Variants in SEPTIN12 observed in about 807,000 individuals in gnomAD.
SEPTIN12 encodes septin 12.
SEPTIN12 carries 42 observed loss-of-function variants against 37.7 expected under a neutral mutation model. The ratio of observed to expected loss-of-function variants is 1.11; its 90% CI spans 0.87 to 1.44. SEPTIN12 has a LOEUF of 1.44. Ranked by LOEUF, SEPTIN12 falls within the 40% of genes most tolerant of loss-of-function variation. The probability of loss-of-function intolerance (pLI) is 0.00; values close to 1 mark genes in which losing one functional copy is unlikely to be tolerated. For synonymous variants in SEPTIN12, 254 were observed against 196.7 expected, an observed-to-expected ratio of 1.29 and a Z score of -2.44; for missense variants, 613 against 479.2, an observed-to-expected ratio of 1.28 and a Z score of -2.61.
At chr16:4,789,727 G>A (rs1002030212), upstream of SEPTIN12, among the ~76,000 whole-genome samples, 2 of 151,970 alleles carry the variant, frequency 1.3e-5, no homozygotes, top group Non-Finnish European at 2.9e-5. Flanking sequence ...CCTAAATGCT[G>A]AGATTACAGA....
chr16:4,778,169 C>A (rs773187500), intron 8 of SEPTIN12, 32 bp from the exon 9 acceptor site: 2 of 1,612,762 alleles, frequency 1.2e-6, no homozygotes, highest in Non-Finnish European at 1.7e-6. Flanking sequence ...ATGGGCGCTG[C>A]TTAGTGAGCA....
At chr16:4,778,496 A>C (rs1170123561) in intron 8 of SEPTIN12, among the ~76,000 whole-genome samples, 6 of 152,214 alleles carry the variant, frequency 3.9e-5, no homozygotes, top group Non-Finnish European at 8.8e-5. Context: ...GCTATATCAT[A>C]GGCAATAGTA....
chr16:4,777,979 T>C lies in SEPTIN12; in HGVS notation c.895A>G (p.Lys299Glu), dbSNP rs772735825. The C allele has an allele frequency of 6.2e-7, 1 of 1,611,982 alleles. No homozygotes were observed. The highest frequency in any genetic ancestry group is 1.7e-5 in the Admixed American group (1 of 59,532). Reference sequence around the variant, plus strand: ...TAGTGGATGTTGTGGGTTATGTCCTTCAGGTCTTGGAGGTGGGAGCTGGGG... The same window carrying C: ...TAGTGGATGTTGTGGGTTATGTCCTCCAGGTCTTGGAGGTGGGAGCTGGGG... ...LLIRSHLQDL[K>E]DITHNIHYEN... The change falls in exon 10 of 10, where the codon AAG (lysine) becomes GAG (glutamate). Residue 299 changes from lysine (K) to glutamate (E), a missense_variant. Coordinates refer to ENST00000268231, the MANE Select transcript of SEPTIN12 (RefSeq NM_144605.5).
At chr16:4,778,887 C>T (rs948312137) in intron 8 of SEPTIN12, among the ~76,000 whole-genome samples, 3 of 151,914 alleles carry the variant, frequency 2.0e-5, no homozygotes, top group Non-Finnish European at 4.4e-5. Context: ...CGCCTGTAAT[C>T]CCAGCACTTT....
intron 7 of SEPTIN12, among the ~76,000 whole-genome samples, chr16:4,781,338 T>C (rs1307749383): frequency 6.6e-6 from 1 of 151,848 alleles, no homozygotes; most frequent in African/African-American, 2.4e-5. Context: ...GTACGGGGGT[T>C]TTTAGTATTT....
intron 7 of SEPTIN12, chr16:4,783,188 C>T (rs948143366): frequency 3.9e-5 from 17 of 431,850 alleles, no homozygotes; most frequent in African/African-American, 2.4e-4. Context: ...GGATTACAGG[C>T]GTGAGCCACT....
In SEPTIN12 at chr16:4,779,744, G is replaced by T. The variant is rs1047456299; in HGVS notation, c.769C>A (p.Leu257Met). The T allele has an allele frequency of 6.2e-7, 1 of 1,613,840 alleles. No homozygotes were observed. Among genetic ancestry groups the T allele is most frequent in the Non-Finnish European group, 8.5e-7 (1 of 1,179,752 alleles). ...CCCAGGACACACCTCCCGTTCACCA[G>T]GTGCTCTTGGTCAGCCCCTACCACG... ...FAVVGADQEH[L>M]VNGRCVLGRK... The change falls in exon 8 of 10, where the codon CTG becomes ATG. Residue 257 changes from leucine (L) to methionine (M), a missense_variant. Physicochemically the swap from Leu to Met is conservative, Grantham distance 15. Transcript: ENST00000268231.
At chr16:4,784,315 G>A (rs1044609562) in intron 4 of SEPTIN12, 1 of 523,256 alleles carries the variant, frequency 1.9e-6, no homozygotes, top group Non-Finnish European at 3.5e-6. Context: ...TACGTTGCAA[G>A]TAAGGGAGGG....
At chr16:4,789,749 A>G (rs1475078640), upstream of SEPTIN12, among the ~76,000 whole-genome samples, 2 of 152,022 alleles carry the variant, frequency 1.3e-5, no homozygotes, top group Non-Finnish European at 2.9e-5. Context: ...GTGAACCACC[A>G]TGCCCAGCCT....
intron 4 of SEPTIN12, among the ~76,000 whole-genome samples, chr16:4,785,053 C>T (rs990435476): frequency 7.9e-5 from 12 of 152,026 alleles, no homozygotes; most frequent in Admixed American, 1.3e-4. Context: ...TTGAGACCAG[C>T]CTGGCCAACG....
At chr16:4,786,480 A>C (rs1567571553) in intron 2 of SEPTIN12, among the ~76,000 whole-genome samples, 1 of 150,272 alleles carries the variant, frequency 6.7e-6, no homozygotes, top group Non-Finnish European at 1.5e-5. Context: ...TCAGCCTCCC[A>C]AGTAGCTGGG....
intron 7 of SEPTIN12, among the ~76,000 whole-genome samples, 161 bp from the exon 8 acceptor site, chr16:4,779,947 A>C (rs1216975913): frequency 6.6e-6 from 1 of 152,062 alleles, no homozygotes; most frequent in African/African-American, 2.4e-5. Context: ...ATAAAGTCTA[A>C]TTGGTGCCTC....
intron 7 of SEPTIN12, among the ~76,000 whole-genome samples, chr16:4,782,204 C>G (rs2082379980): frequency 6.6e-6 from 1 of 152,112 alleles, no homozygotes; most frequent in South Asian, 2.1e-4. Flanking sequence ...CCCACCTCAG[C>G]TTCCCAAAGT....
At chr16:4,782,137 A>G (rs1200502491) in intron 7 of SEPTIN12, among the ~76,000 whole-genome samples, 2 of 150,804 alleles carry the variant, frequency 1.3e-5, no homozygotes, top group African/African-American at 4.9e-5. Context: ...TTTAGTAGAG[A>G]CAGAGTTTCA....
chr16:4,790,462 G>A (rs2082534803), upstream of SEPTIN12, among the ~76,000 whole-genome samples: 1 of 152,114 alleles, frequency 6.6e-6, no homozygotes, highest in Non-Finnish European at 1.5e-5. Context: ...GGGAACTCCC[G>A]CTCCTTCCTG....
intron 4 of SEPTIN12, among the ~76,000 whole-genome samples, chr16:4,785,448 G>C (rs1369962731): frequency 1.3e-5 from 2 of 151,896 alleles, no homozygotes; most frequent in Non-Finnish European, 2.9e-5. Flanking sequence ...GGACAGGAGG[G>C]GACAGCCATG....
intron 4 of SEPTIN12, 96 bp downstream of exon 4, chr16:4,785,711 G>A: frequency 1.2e-6 from 1 of 849,296 alleles, no homozygotes. Context: ...CTGGGAGGTG[G>A]AGGTTGCAGT....
rs1037755414 is a variant in SEPTIN12 at position 4,786,250 on chromosome 16, T to C, written c.167-145A>G. ...GTGCAATGATGCAATCCCCGTTCAC[T>C]GCAGCCTCGACCTTCCCAGACTCTA... On this transcript the variant is annotated intron_variant, in intron 2 of 9. Transcript: ENST00000268231. 19 of 1,118,844 alleles carry C rather than the reference T, an allele frequency of 1.7e-5. No individual in the cohort carries two copies. The Middle Eastern group carries it at 9.2e-4, about 54-fold the overall frequency. The allele number at this position is 1,118,844 out of a possible 1,614,324, so 69.3% of individuals were successfully genotyped here. A position where few individuals can be genotyped will look rare whatever the true frequency, so the allele number is the denominator to read the frequency against.
At chr16:4,780,338 T>C (rs1481967206) in intron 7 of SEPTIN12, among the ~76,000 whole-genome samples, 3 of 152,000 alleles carry the variant, frequency 2.0e-5, no homozygotes, top group African/African-American at 7.2e-5. Flanking sequence ...TCCTCCCGCC[T>C]CTGCCTTCCA....
Sources: allele counts gnomAD v4.1 joint callset (sites outside exome capture counted in the v4.1 genomes callset), GRCh38; gene constraint gnomAD v4.1.1; transcripts MANE v1.5; gene names NCBI Gene and HGNC (gene_info 2026-07-23, HGNC 2026-07-21).